Variants in CHRDL1 observed in about 807,000 individuals in gnomAD.
CHRDL1 encodes chordin like 1.
Under a neutral mutation model 40.9 loss-of-function variants are expected in CHRDL1, and 19 were observed. The observed-to-expected ratio is 0.46, with a 90% CI of 0.32 to 0.68. The LOEUF is 0.68. CHRDL1 is among the 30% of genes least tolerant of loss of function. CHRDL1 has a pLI of 0.03. For missense variants in CHRDL1, 329 were observed against 352.1 expected, an observed-to-expected ratio of 0.93 and a Z score of 0.53; for synonymous variants, 136 against 123.4, an observed-to-expected ratio of 1.10 and a Z score of -0.68.
chrX:110,707,913 T>C (rs186684514), intron 6 of CHRDL1, among the ~76,000 whole-genome samples: 398 of 110,592 alleles, frequency 3.6e-3, no homozygotes, highest in South Asian at 0.014. Flanking sequence ...AGAGCTAATA[T>C]CCAGAACCTA....
chrX:110,778,466 A>G (rs1344556745), intron 2 of CHRDL1, among the ~76,000 whole-genome samples: 1 of 112,347 alleles, frequency 8.9e-6, no homozygotes, highest in Non-Finnish European at 1.9e-5. Context: ...ACACTTTTCA[A>G]AAGACACGCA....
At chrX:110,715,582 G>A (rs962991072) in intron 6 of CHRDL1, among the ~76,000 whole-genome samples, 2 of 111,706 alleles carry the variant, frequency 1.8e-5, no homozygotes, top group Non-Finnish European at 3.8e-5. Flanking sequence ...GCACTCGTAG[G>A]TGGTAGCCCT....
chrX:110,763,538 C>CATAT lies in CHRDL1; in HGVS notation c.95-735_95-732dup, dbSNP rs750708016. ...CACACATATATATAATCAATAGAAA[C>CATAT]ATATATATATATATATATATACACA... On this transcript the variant is annotated intron_variant, in intron 2 of 11. Transcript: ENST00000372042. Among the ~76,000 whole-genome samples the CATAT allele has an allele frequency of 6.8e-3, 671 of 98,263 alleles. 5 individuals are homozygous for CATAT. Among genetic ancestry groups the CATAT allele is most frequent in the Non-Finnish European group, 0.011 (518 of 49,011 alleles). The allele number at this position is 98,263 out of a possible 115,157, so 85.3% of individuals were successfully genotyped here.
In CHRDL1 at chrX:110,754,062, A is replaced by T. The variant is rs756827217; in HGVS notation, c.301+5599T>A. ...TACACTAACTCAACTGAAATCAGGA[A>T]GCCATTTGCCCTACATTCTTCCTCT... On this transcript the variant is annotated intron_variant, in intron 4 of 11. Coordinates refer to ENST00000372042, the MANE Select transcript of CHRDL1 (RefSeq NM_001143981.2). 2.5e-4 allele frequency among the ~76,000 whole-genome samples: 28 copies of T among 112,571 alleles called. No individual in the cohort carries two copies. The South Asian group carries it at 9.5e-3, about 38-fold the overall frequency.
At chrX:110,689,082 A>G (rs1282624503) in intron 8 of CHRDL1, among the ~76,000 whole-genome samples, 25 of 81,603 alleles carry the variant, frequency 3.1e-4, no homozygotes, top group African/African-American at 9.6e-4. Flanking sequence ...GTATATATAT[A>G]TATATATATA....
intron 7 of CHRDL1, among the ~76,000 whole-genome samples, chrX:110,699,676 T>G (rs1292412704): frequency 8.9e-6 from 1 of 112,124 alleles, no homozygotes; most frequent in Non-Finnish European, 1.9e-5. Flanking sequence ...CATAAAGAAG[T>G]GATAGTGTAC....
intron 7 of CHRDL1, among the ~76,000 whole-genome samples, chrX:110,697,099 GA>G (rs2070401590): frequency 9.0e-6 from 1 of 111,254 alleles, no homozygotes; most frequent in South Asian, 3.8e-4. Flanking sequence ...AAACCAGTTA[GA>G]AATGACCATA....
intron 2 of CHRDL1, among the ~76,000 whole-genome samples, chrX:110,771,719 T>C (rs773089687): frequency 9.0e-6 from 1 of 111,577 alleles, no homozygotes; most frequent in African/African-American, 3.2e-5. Context: ...ATAGCTAATA[T>C]TACACTTAAT....
rs2071343862 is a variant in CHRDL1 at position 110,740,662 on chromosome X, T to C, written c.301+18999A>G. On this transcript the variant is annotated intron_variant, in intron 4 of 11. Coordinates refer to ENST00000372042, the MANE Select transcript of CHRDL1 (RefSeq NM_001143981.2). The stretch of plus-strand genomic sequence containing the variant: ...ATTTGATGAGGAATGGGCTTTGATA[T>C]TCAAAATGGGAAAGATGAAAATATT... 1.1e-4 allele frequency among the ~76,000 whole-genome samples: 12 copies of C among 112,105 alleles called. No homozygotes were observed. In the Admixed American group the frequency reaches 1.1e-3, roughly 11 times the overall value.
intron 4 of CHRDL1, among the ~76,000 whole-genome samples, chrX:110,754,817 A>G (rs1306574653): frequency 9.0e-6 from 1 of 110,929 alleles, no homozygotes; most frequent in African/African-American, 3.3e-5. Flanking sequence ...AGGAAAACCC[A>G]AATTTATTAA....
chrX:110,756,807 A>G (rs1241995691), intron 4 of CHRDL1, among the ~76,000 whole-genome samples: 1 of 112,332 alleles, frequency 8.9e-6, no homozygotes, highest in East Asian at 2.8e-4. Context: ...AAGAAACCCA[A>G]CAAAGGTGAC....
chrX:110,711,034 T>C (rs1012542553), intron 6 of CHRDL1, among the ~76,000 whole-genome samples: 1 of 111,794 alleles, frequency 8.9e-6, no homozygotes, highest in African/African-American at 3.3e-5. Context: ...TACTCCCATA[T>C]ACTTTAAATA....
intron 6 of CHRDL1, among the ~76,000 whole-genome samples, chrX:110,707,851 A>C (rs973274464): frequency 8.9e-6 from 1 of 112,052 alleles, no homozygotes; most frequent in African/African-American, 3.2e-5. Flanking sequence ...ATCAGAGTGC[A>C]CAGGCAACCT....
At chrX:110,728,305 A>G (rs989237773) in intron 4 of CHRDL1, among the ~76,000 whole-genome samples, 1 of 111,357 alleles carries the variant, frequency 9.0e-6, no homozygotes, top group Non-Finnish European at 1.9e-5. Flanking sequence ...ATAATCATAT[A>G]TACATGTACA....
Position 110,748,476 on chromosome X carries a change from G to A in CHRDL1, c.301+11185C>T, listed in dbSNP as rs970387363. ...CAAAACCTAGCATTTCACACAGGCA[G>A]TAATACTAGTTACTGCTTGTCAGGC... On this transcript the variant is annotated intron_variant, in intron 4 of 11. Transcript: ENST00000372042. Among the ~76,000 whole-genome samples, 35 of 111,804 alleles carry A rather than the reference G, an allele frequency of 3.1e-4. 2 individuals carry two copies. Among genetic ancestry groups the A allele is most frequent in the African/African-American group, 1.0e-3 (32 of 30,714 alleles).
At chrX:110,700,835 T>C in intron 6 of CHRDL1, 114 bp from the exon 7 acceptor site, 1 of 496,451 alleles carries the variant, frequency 2.0e-6, no homozygotes, top group Non-Finnish European at 3.3e-6. Context: ...TTGAAGTGTT[T>C]TTGCTTTTGT....
At position 110,675,539 on chromosome X, in the gene CHRDL1, CT is replaced by C. The variant is rs2069754514; in HGVS notation, c.*691del. The C allele has an allele frequency of 9.0e-6, 1 of 111,697 alleles. No homozygotes were observed. The highest frequency in any genetic ancestry group is 1.9e-5 in the Non-Finnish European group (1 of 53,148). The allele number at this position is 111,697 out of a possible 1,213,427, so 9.2% of individuals were successfully genotyped here. A position where few individuals can be genotyped will look rare whatever the true frequency, so the allele number is the denominator to read the frequency against. ...AGCCACAAAGACCTAAGGGCAGAGC[CT>C]CTTGTTCACAGTTATTTACTCTCCT... On this transcript the variant is annotated 3_prime_UTR_variant, in exon 12 of 12. Transcript: ENST00000372042.
At chrX:110,732,814 A>C (rs2071191785) in intron 4 of CHRDL1, among the ~76,000 whole-genome samples, 1 of 111,101 alleles carries the variant, frequency 9.0e-6, no homozygotes, top group Admixed American at 9.5e-5. Context: ...TTCTTAGCTA[A>C]GTTGTACTAT....
At chrX:110,751,877 C>G (rs1414480050) in intron 4 of CHRDL1, among the ~76,000 whole-genome samples, 1 of 111,792 alleles carries the variant, frequency 8.9e-6, no homozygotes, top group Non-Finnish European at 1.9e-5. Flanking sequence ...ACGTAAGTTT[C>G]CATCAACGGA....
Sources: gnomAD v4.1 joint callset for allele counts (sites outside exome capture counted in the v4.1 genomes callset) on GRCh38, gnomAD v4.1.1 for gene constraint, MANE v1.5 for transcripts, NCBI Gene and HGNC (gene_info 2026-07-23, HGNC 2026-07-21) for gene names.